The following CAMK1D variants were observed in gnomAD, a reference collection of about 807,000 sequenced individuals.
CAMK1D encodes the protein calcium/calmodulin dependent protein kinase ID.
CAMK1D carries 9 observed loss-of-function variants against 47.7 expected under a neutral mutation model. The observed-to-expected ratio is 0.19, with a 90% CI of 0.11 to 0.33. The LOEUF (loss-of-function observed/expected upper bound fraction) is 0.33. Ranked by LOEUF, CAMK1D falls within the 10% of genes least tolerant of loss-of-function variation. CAMK1D has a pLI of 1.00. For synonymous variants in CAMK1D, 184 were observed against 184.9 expected (o/e 0.99, Z 0.04); for missense variants, 291 against 488.7 (o/e 0.60, Z 3.81).
intron 1 of CAMK1D, among the ~76,000 whole-genome samples, chr10:12,471,178 G>T (rs1314131030): frequency 6.6e-6 from 1 of 152,150 alleles, no homozygotes; most frequent in Non-Finnish European, 1.5e-5. Flanking sequence ...CCCCACCCCA[G>T]CGCACATGTT....
Position 12,603,971 on chromosome 10 carries a change from C to T in CAMK1D, c.224+50615C>T, listed in dbSNP as rs557179918. Among the ~76,000 whole-genome samples the T allele has an allele frequency of 1.3e-4, 20 of 152,312 alleles. No individual in the cohort carries two copies. The East Asian group carries it at 2.9e-3, about 22-fold the overall frequency. ...CCTAAGCTGAGGAAGCCCTTATCTA[C>T]CTGAAAAATGCATGCCTGCTTCATA... On this transcript the variant is annotated intron_variant, in intron 2 of 10. Coordinates refer to ENST00000619168, the MANE Select transcript of CAMK1D (RefSeq NM_153498.4).
intron 1 of CAMK1D, among the ~76,000 whole-genome samples, chr10:12,408,521 C>A (rs1183797459): frequency 3.3e-5 from 5 of 152,182 alleles, no homozygotes; most frequent in African/African-American, 4.8e-5. Context: ...AACTATGATT[C>A]TGCAAGGCAC....
intron 2 of CAMK1D, among the ~76,000 whole-genome samples, chr10:12,589,351 A>G (rs1321848472): frequency 1.3e-5 from 2 of 152,214 alleles, no homozygotes; most frequent in African/African-American, 4.8e-5. Flanking sequence ...TTGTGCAAAC[A>G]TACAAAATGT....
intron 1 of CAMK1D, among the ~76,000 whole-genome samples, chr10:12,511,184 T>C (rs911283699): frequency 6.6e-6 from 1 of 152,230 alleles, no homozygotes; most frequent in African/African-American, 2.4e-5. Flanking sequence ...TCTGTCTTCC[T>C]CTGCCTTTAT....
chr10:12,549,815 T>C (rs917976992), intron 1 of CAMK1D, among the ~76,000 whole-genome samples: 5 of 152,190 alleles, frequency 3.3e-5, no homozygotes, highest in African/African-American at 1.2e-4. Flanking sequence ...CTACTGCCTC[T>C]CCATGTTGTC....
chr10:12,354,448 A>T (rs2131831518), intron 1 of CAMK1D, among the ~76,000 whole-genome samples: 1 of 149,432 alleles, frequency 6.7e-6, no homozygotes, highest in Non-Finnish European at 1.5e-5. Flanking sequence ...TTTTTTTGAG[A>T]TAGAGTCTTG....
At chr10:12,372,302 A>G (rs1838027936) in intron 1 of CAMK1D, among the ~76,000 whole-genome samples, 1 of 152,252 alleles carries the variant, frequency 6.6e-6, no homozygotes, top group Non-Finnish European at 1.5e-5. Context: ...TCAATAAAAT[A>G]GATACTCTTG....
Position 12,797,936 on chromosome 10 carries a change from G to A in CAMK1D, c.641+6703G>A, listed in dbSNP as rs146878265. Among the ~76,000 whole-genome samples the A allele has an allele frequency of 1.9e-3, 287 of 152,306 alleles. 2 individuals are homozygous for A. The highest frequency in any genetic ancestry group is 6.7e-3 in the African/African-American group (277 of 41,578). ...GCAGGTACAGGAGGTACACAACAGT[G>A]AGGGGGGAAACTTCACAAGCAGAGC... On this transcript the variant is annotated intron_variant, in intron 6 of 10. Coordinates refer to ENST00000619168, the MANE Select transcript of CAMK1D (RefSeq NM_153498.4).
At chr10:12,710,729 G>A (rs1053306627) in intron 3 of CAMK1D, among the ~76,000 whole-genome samples, 3 of 151,478 alleles carry the variant, frequency 2.0e-5, no homozygotes, top group Admixed American at 1.3e-4. Flanking sequence ...GGGGGAGTGT[G>A]TAAAGACCTA....
intron 2 of CAMK1D, among the ~76,000 whole-genome samples, chr10:12,583,729 G>A (rs547391129): frequency 1.3e-5 from 2 of 151,962 alleles, no homozygotes; most frequent in East Asian, 1.9e-4. Context: ...AGCCTCCCGA[G>A]TAGCTGGGAT....
intron 1 of CAMK1D, among the ~76,000 whole-genome samples, chr10:12,551,474 G>T (rs894860538): frequency 1.3e-5 from 2 of 152,176 alleles, no homozygotes; most frequent in African/African-American, 2.4e-5. Flanking sequence ...AAATAAAGTG[G>T]CTGGGCGTGG....
chr10:12,810,939 C>A (rs1003926424), intron 6 of CAMK1D, among the ~76,000 whole-genome samples: 4 of 152,218 alleles, frequency 2.6e-5, no homozygotes, highest in African/African-American at 9.6e-5. Flanking sequence ...CTCATTGCAG[C>A]TGAGCTGTGA....
At chr10:12,609,057 C>T (rs1838547621) in intron 2 of CAMK1D, among the ~76,000 whole-genome samples, 1 of 152,336 alleles carries the variant, frequency 6.6e-6, no homozygotes, top group African/African-American at 2.4e-5. Context: ...AGGTTCTGGT[C>T]TTCCTGCCAA....
At chr10:12,538,401 C>A (rs1254510444) in intron 1 of CAMK1D, among the ~76,000 whole-genome samples, 2 of 152,108 alleles carry the variant, frequency 1.3e-5, no homozygotes. Context: ...AAAGGGAGGT[C>A]ATTTTGCTGC....
intron 1 of CAMK1D, among the ~76,000 whole-genome samples, chr10:12,500,872 CTG>C (rs1834680723): frequency 1.3e-5 from 2 of 152,342 alleles, no homozygotes; most frequent in Middle Eastern, 3.4e-3. Flanking sequence ...GGAAACTGTG[CTG>C]TTATTAACTG....
intron 1 of CAMK1D, among the ~76,000 whole-genome samples, chr10:12,476,068 C>T (rs141115378): frequency 7.3e-5 from 11 of 151,592 alleles, no homozygotes; most frequent in East Asian, 1.9e-4. Context: ...CGAGGGGGGG[C>T]GGATCACGAG....
chr10:12,796,133 A>G (rs542355857), intron 6 of CAMK1D, among the ~76,000 whole-genome samples: 18 of 152,278 alleles, frequency 1.2e-4, no homozygotes, highest in African/African-American at 4.3e-4. Flanking sequence ...CATTTGCCTA[A>G]ATTATGCTCA....
intron 1 of CAMK1D, among the ~76,000 whole-genome samples, chr10:12,399,132 G>A (rs986093497): frequency 2.6e-5 from 4 of 152,194 alleles, no homozygotes; most frequent in Non-Finnish European, 4.4e-5. Flanking sequence ...TGGTATGGGA[G>A]TGCTCTCAAA....
intron 8 of CAMK1D, among the ~76,000 whole-genome samples, chr10:12,821,044 C>G (rs934954264): frequency 6.6e-6 from 1 of 152,182 alleles, no homozygotes; most frequent in Non-Finnish European, 1.5e-5. Flanking sequence ...GGATTTAAGC[C>G]TGTTTCCTGC....
Sources: allele counts gnomAD v4.1 joint callset (sites outside exome capture counted in the v4.1 genomes callset), GRCh38; gene constraint gnomAD v4.1.1; transcripts MANE v1.5; gene names NCBI Gene and HGNC (gene_info 2026-07-23, HGNC 2026-07-21).